Variants in NXPH1 observed in about 807,000 individuals in gnomAD.
The protein encoded by NXPH1 is neurexophilin-1.
NXPH1 carries 5 observed loss-of-function variants against 23.7 expected under a neutral mutation model. That is an observed-to-expected ratio of 0.21 (90% CI 0.11 to 0.44). NXPH1 has a LOEUF of 0.44. NXPH1 is among the 20% of genes least tolerant of loss of function. The pLI, the probability that NXPH1 is intolerant of heterozygous loss-of-function variation, is 0.99. For missense variants in NXPH1, 324 were observed against 321.6 expected (o/e 1.01, Z -0.06); for synonymous variants, 144 against 122.2 (o/e 1.18, Z -1.18).
At chr7:8,669,182 G>A (rs1271700900) in intron 2 of NXPH1, among the ~76,000 whole-genome samples, 1 of 152,176 alleles carries the variant, frequency 6.6e-6, no homozygotes, top group Non-Finnish European at 1.5e-5. Context: ...TGTGTGCTGG[G>A]GCCAGCCCAA....
intron 2 of NXPH1, among the ~76,000 whole-genome samples, chr7:8,507,380 A>T (rs1584200013): frequency 6.6e-6 from 1 of 151,204 alleles, no homozygotes; most frequent in African/African-American, 2.5e-5. Flanking sequence ...AGCCACTATG[A>T]TGATGGTGAT....
chr7:8,711,732 A>G (rs2115197962), intron 2 of NXPH1, among the ~76,000 whole-genome samples: 1 of 152,310 alleles, frequency 6.6e-6, no homozygotes, highest in East Asian at 1.9e-4. Context: ...ATGAACAAGG[A>G]CTTGAATTCA....
chr7:8,576,058 A>G (rs1402891553), intron 2 of NXPH1, among the ~76,000 whole-genome samples: 1 of 152,176 alleles, frequency 6.6e-6, no homozygotes, highest in East Asian at 1.9e-4. Context: ...TGTCCAGAAT[A>G]GCTTCTATCT....
At chr7:8,441,322 T>A (rs566924813) in intron 2 of NXPH1, among the ~76,000 whole-genome samples, 15 of 152,164 alleles carry the variant, frequency 9.9e-5, no homozygotes, top group African/African-American at 3.4e-4. Context: ...TCAGTCTTGA[T>A]TTATCCACTA....
intron 2 of NXPH1, among the ~76,000 whole-genome samples, chr7:8,727,130 G>A (rs1780070001): frequency 6.8e-6 from 1 of 147,166 alleles, no homozygotes; most frequent in Non-Finnish European, 1.5e-5. Flanking sequence ...CTGCATAAAT[G>A]TCTTCTTTTG....
At chr7:8,525,965 G>A (rs1817855151) in intron 2 of NXPH1, among the ~76,000 whole-genome samples, 1 of 150,440 alleles carries the variant, frequency 6.6e-6, no homozygotes, top group African/African-American at 2.5e-5. Flanking sequence ...GGAGGTGTGA[G>A]AAGAGGGCCA....
chr7:8,653,030 T>C (rs10225714), intron 2 of NXPH1, among the ~76,000 whole-genome samples: 107,443 of 151,894 alleles, frequency 0.71, 38,751 homozygotes, highest in East Asian at 1. Context: ...TTTCCAGAAG[T>C]ATTTAAAATT....
At chr7:8,447,632 G>A (rs977648823) in intron 2 of NXPH1, among the ~76,000 whole-genome samples, 1 of 152,146 alleles carries the variant, frequency 6.6e-6, no homozygotes, top group Non-Finnish European at 1.5e-5. Context: ...TACCACTTTT[G>A]GATCTGCACC....
chr7:8,608,666 T>C (rs943327681), intron 2 of NXPH1, among the ~76,000 whole-genome samples: 1 of 152,076 alleles, frequency 6.6e-6, no homozygotes, highest in Non-Finnish European at 1.5e-5. Context: ...TTTGAAAACA[T>C]TGACTTTTTT....
At chr7:8,469,184 G>T (rs939673728) in intron 2 of NXPH1, among the ~76,000 whole-genome samples, 1 of 151,848 alleles carries the variant, frequency 6.6e-6, no homozygotes, top group Non-Finnish European at 1.5e-5. Context: ...TTTTAAAAAA[G>T]TACCATTATA....
intron 2 of NXPH1, among the ~76,000 whole-genome samples, chr7:8,514,526 A>G (rs1817659895): frequency 6.6e-6 from 1 of 152,144 alleles, no homozygotes; most frequent in Admixed American, 6.5e-5. Flanking sequence ...AGAAGAGTCC[A>G]TTCCCTGATG....
At chr7:8,703,376 C>G (rs952939680) in intron 2 of NXPH1, among the ~76,000 whole-genome samples, 1 of 152,092 alleles carries the variant, frequency 6.6e-6, no homozygotes, top group Admixed American at 6.6e-5. Context: ...GAAATCACTT[C>G]CCTAAGTTAT....
At chr7:8,622,214 C>T (rs148346735) in intron 2 of NXPH1, among the ~76,000 whole-genome samples, 289 of 152,270 alleles carry the variant, frequency 1.9e-3, no homozygotes, top group African/African-American at 6.6e-3. Context: ...AAGAACATCA[C>T]AACTTCTAGG....
intron 2 of NXPH1, among the ~76,000 whole-genome samples, chr7:8,725,752 C>T (rs1282335567): frequency 6.6e-6 from 1 of 152,042 alleles, no homozygotes; most frequent in African/African-American, 2.4e-5. Flanking sequence ...GTTGGAGATT[C>T]CCAGGACTTT....
chr7:8,547,625 A>G (rs1401242665), intron 2 of NXPH1, among the ~76,000 whole-genome samples: 1 of 151,250 alleles, frequency 6.6e-6, no homozygotes, highest in Non-Finnish European at 1.5e-5. Flanking sequence ...GCCCCTAGGT[A>G]GTTTTTAAAC....
At chr7:8,587,364 A>G (rs773976955) in intron 2 of NXPH1, among the ~76,000 whole-genome samples, 1 of 151,252 alleles carries the variant, frequency 6.6e-6, no homozygotes, top group Non-Finnish European at 1.5e-5. Context: ...TGCAGTGGCT[A>G]TTTACTACAG....
At position 8,442,068 on chromosome 7, in the gene NXPH1, C is replaced by G. The variant is rs1430975881; in HGVS notation, c.54+6301C>G. Among the ~76,000 whole-genome samples the G allele has an allele frequency of 6.6e-6, 1 of 152,116 alleles. No individual in the cohort carries two copies. Among genetic ancestry groups the G allele is most frequent in the Non-Finnish European group, 1.5e-5 (1 of 68,028 alleles). ...AGCCAGGGCGTTGGGACGGCACAAG[C>G]AGTGGGGTCCCAGGAGCAGCAAGAC... is the stretch of plus-strand genomic sequence containing the variant. On this transcript the variant is annotated intron_variant, in intron 2 of 2. Coordinates refer to ENST00000405863, the MANE Select transcript of NXPH1 (RefSeq NM_152745.3). This position sits in a 1 kb window ranked among gnomAD's most constrained non-coding sequence, Gnocchi z 4.6.
At chr7:8,527,980 C>G (rs1249652712) in intron 2 of NXPH1, among the ~76,000 whole-genome samples, 1 of 152,212 alleles carries the variant, frequency 6.6e-6, no homozygotes, top group African/African-American at 2.4e-5. Context: ...CGGGAAGAAT[C>G]TTCTCTCTGT....
intron 2 of NXPH1, among the ~76,000 whole-genome samples, chr7:8,659,944 A>T (rs2115160756): frequency 6.6e-6 from 1 of 152,298 alleles, no homozygotes; most frequent in South Asian, 2.1e-4. Flanking sequence ...CAATTTGGGG[A>T]CATTTCATAA....
Sources: gnomAD v4.1 joint callset for allele counts (sites outside exome capture counted in the v4.1 genomes callset) on GRCh38, gnomAD v4.1.1 for gene constraint, Gnocchi (gnomAD v3.1) non-coding constraint, MANE v1.5 for transcripts, NCBI Gene and HGNC (gene_info 2026-07-23, HGNC 2026-07-21) for gene names.